Variants in PLGRKT observed in about 807,000 individuals in gnomAD.
The protein encoded by PLGRKT is plasminogen receptor (KT).
A neutral mutation model predicts 18.5 loss-of-function variants in PLGRKT; 22 were observed. That is an observed-to-expected ratio of 1.19 (90% CI 0.85 to 1.70). PLGRKT has a LOEUF of 1.70. Ranked by LOEUF, PLGRKT falls within the 40% of genes most tolerant of loss-of-function variation. PLGRKT has a pLI of 0.00. For missense variants in PLGRKT, 235 were observed against 174.4 expected (o/e 1.35, Z -1.96); for synonymous variants, 72 against 52.8 (o/e 1.36, Z -1.58).
In PLGRKT at chr9:5,403,941, G is replaced by A. The variant is rs1458246346; in HGVS notation, c.81+27956C>T. Among the ~76,000 whole-genome samples the A allele has an allele frequency of 2.0e-5, 3 of 152,112 alleles. No individual in the cohort carries two copies. In the East Asian group the frequency reaches 5.8e-4, roughly 29 times the overall value. The stretch of plus-strand genomic sequence containing the variant: ...ATAAACACAATCAGAAATGTTAAGG[G>A]GGATACCACCACTGACACCACAGAA... On this transcript the variant is annotated intron_variant, in intron 3 of 5. Transcript: ENST00000223864.
chr9:5,434,667 C>T (rs1282551680), intron 2 of PLGRKT, among the ~76,000 whole-genome samples: 4 of 145,172 alleles, frequency 2.8e-5, no homozygotes, highest in Non-Finnish European at 4.5e-5. Flanking sequence ...CACCGCTGCC[C>T]GGCCGCCACC....
At chr9:5,405,637 C>A (rs1818241112) in intron 3 of PLGRKT, among the ~76,000 whole-genome samples, 1 of 152,146 alleles carries the variant, frequency 6.6e-6, no homozygotes, top group South Asian at 2.1e-4. Context: ...AAATGTAAAA[C>A]CCAGAACTAT....
chr9:5,408,189 G>A (rs142332667), intron 3 of PLGRKT, among the ~76,000 whole-genome samples: 62 of 152,352 alleles, frequency 4.1e-4, no homozygotes, highest in African/African-American at 1.4e-3. Context: ...GGTTGGAAGA[G>A]TGTGGAGGGC....
At chr9:5,431,594 C>G (rs1818825917) in intron 3 of PLGRKT, among the ~76,000 whole-genome samples, 2 of 150,986 alleles carry the variant, frequency 1.3e-5, no homozygotes, top group South Asian at 2.1e-4. Context: ...TCTGCATAAT[C>G]CAGGATAATC....
chr9:5,388,254 C>T (rs1215185455), intron 3 of PLGRKT, among the ~76,000 whole-genome samples: 1 of 151,726 alleles, frequency 6.6e-6, no homozygotes, highest in Non-Finnish European at 1.5e-5. Context: ...GACAGGGAGA[C>T]AGGCTGCAAG....
At chr9:5,363,760 A>C (rs541240089) in intron 3 of PLGRKT, among the ~76,000 whole-genome samples, 1 of 152,296 alleles carries the variant, frequency 6.6e-6, no homozygotes, top group South Asian at 2.1e-4. Flanking sequence ...AGATGAACGG[A>C]GAAGGGGAGG....
intron 3 of PLGRKT, among the ~76,000 whole-genome samples, chr9:5,427,395 A>C (rs1165901235): frequency 6.6e-6 from 1 of 152,202 alleles, no homozygotes; most frequent in African/African-American, 2.4e-5. Context: ...CCTTTAAGTG[A>C]AAGAGTGGAA....
chr9:5,395,791 C>T (rs1176953893), intron 3 of PLGRKT, among the ~76,000 whole-genome samples: 1 of 146,390 alleles, frequency 6.8e-6, no homozygotes, highest in African/African-American at 2.6e-5. Context: ...TTTTCCAAGG[C>T]ATTTTCATGG....
intron 3 of PLGRKT, among the ~76,000 whole-genome samples, chr9:5,392,034 T>C (rs1281019517): frequency 3.9e-5 from 6 of 151,928 alleles, no homozygotes; most frequent in African/African-American, 1.2e-4. Context: ...CTCTGACATA[T>C]GTACCATGAG....
rs10815207 is a variant in PLGRKT at position 5,407,065 on chromosome 9, G to A, written c.81+24832C>T. ...GCTTTTAAAACTTTGAGGTCTTCAT[G>A]TATAAAATTTTCTCAAAGTAAATAT... On this transcript the variant is annotated intron_variant, in intron 3 of 5. Coordinates refer to ENST00000223864, the MANE Select transcript of PLGRKT (RefSeq NM_018465.4). Among the ~76,000 whole-genome samples the A allele has an allele frequency of 8.7e-3, 1,318 of 152,108 alleles. 24 individuals carry two copies. Among genetic ancestry groups the A allele is most frequent in the African/African-American group, 0.029 (1,203 of 41,486 alleles).
At chr9:5,378,165 G>C (rs1817667819) in intron 3 of PLGRKT, among the ~76,000 whole-genome samples, 1 of 152,086 alleles carries the variant, frequency 6.6e-6, no homozygotes, top group Non-Finnish European at 1.5e-5. Context: ...AGGGCTACCA[G>C]ACATTTGAGG....
chr9:5,388,782 T>A (rs1817892532), intron 3 of PLGRKT, among the ~76,000 whole-genome samples: 1 of 152,092 alleles, frequency 6.6e-6, no homozygotes, highest in South Asian at 2.1e-4. Context: ...TGCTTCAGTT[T>A]CCTCGTCTAC....
intron 3 of PLGRKT, among the ~76,000 whole-genome samples, chr9:5,369,591 G>T (rs542615101): frequency 2.6e-4 from 39 of 152,230 alleles, no homozygotes; most frequent in Non-Finnish European, 4.7e-4. Context: ...CCCATTACTG[G>T]TTATATACCC....
In PLGRKT at chr9:5,370,261, C is replaced by T. The variant is rs13287244; in HGVS notation, c.82-8373G>A. ...TTAAGAACAGCCACAAAATTACTGA[C>T]CTCAGTAATTTGTCAATCTGTTGAG... On this transcript the variant is annotated intron_variant, in intron 3 of 5. Coordinates refer to ENST00000223864, the MANE Select transcript of PLGRKT (RefSeq NM_018465.4). Among the ~76,000 whole-genome samples the T allele has an allele frequency of 8.4e-3, 1,279 of 152,208 alleles. 26 individuals are homozygous for T. The highest frequency in any genetic ancestry group is 0.036 in the South Asian group (173 of 4,808).
At chr9:5,412,371 C>T (rs578066570) in intron 3 of PLGRKT, among the ~76,000 whole-genome samples, 64 of 152,316 alleles carry the variant, frequency 4.2e-4, no homozygotes, top group Middle Eastern at 6.8e-3. Flanking sequence ...ATGTGTCCCC[C>T]CAAAGTTCAT....
intron 3 of PLGRKT, among the ~76,000 whole-genome samples, chr9:5,394,751 C>T (rs557732677): frequency 2.0e-5 from 3 of 151,840 alleles, no homozygotes; most frequent in South Asian, 2.1e-4. Flanking sequence ...TTTAGGAAAA[C>T]GTTCAAATAT....
At chr9:5,377,879 T>C (rs1247428723) in intron 3 of PLGRKT, among the ~76,000 whole-genome samples, 1 of 152,088 alleles carries the variant, frequency 6.6e-6, no homozygotes, top group South Asian at 2.1e-4. Context: ...TCGAGGCAAT[T>C]CTGCACTTCG....
rs554014875 is a variant in PLGRKT, at chr9:5,358,425, G to A, written c.323-65C>T. The A allele has an allele frequency of 3.9e-5, 57 of 1,454,798 alleles. 3 individuals are homozygous for A. The South Asian group carries it at 6.6e-4, about 17-fold the overall frequency. The allele number at this position is 1,454,798 out of a possible 1,614,324, so 90.1% of individuals were successfully genotyped here. A position where few individuals can be genotyped will look rare whatever the true frequency, so the allele number is the denominator to read the frequency against. On this transcript the variant is annotated intron_variant, in intron 5 of 5. Transcript: ENST00000223864. ...TCATCAGCAATTTGTGACAAAGCCTGATTGCTATATTCCTTGACAGGCTCT... is the reference window on the plus strand; with the variant it reads ...TCATCAGCAATTTGTGACAAAGCCTAATTGCTATATTCCTTGACAGGCTCT...
Position 5,361,861 on chromosome 9 carries a change from C to G in PLGRKT, c.109G>C (p.Glu37Gln). 6.2e-7 allele frequency: 1 copy of G among 1,613,106 alleles called. No homozygotes were observed. The highest frequency in any genetic ancestry group is 1.1e-5 in the South Asian group (1 of 90,868). Residue 37 changes from glutamate (E) to glutamine (Q), a missense_variant, in exon 4 of 6, where the codon GAA (glutamate) becomes CAA (glutamine). Glu to Gln is a conservative substitution (Grantham distance 29). Coordinates refer to ENST00000223864, the MANE Select transcript of PLGRKT (RefSeq NM_018465.4). ...QLERQLIMQSEMRERQMAMQI... is the reference protein window; with the variant it reads ...QLERQLIMQSQMRERQMAMQI... ...ATGGCCATTTGTCTTTCCCTCATTT[C>G]ACTCTGCATGATGAGCTGCCTTTCC... is the stretch of plus-strand genomic sequence containing the variant.
Sources: allele counts gnomAD v4.1 joint callset (sites outside exome capture counted in the v4.1 genomes callset), GRCh38; gene constraint gnomAD v4.1.1; transcripts MANE v1.5; gene names NCBI Gene and HGNC (gene_info 2026-07-23, HGNC 2026-07-21).